PCDHA1: variants seen among roughly 807,000 people sequenced by gnomAD.
PCDHA1 encodes the protein protocadherin alpha 1.
PCDHA1 carries 42 observed loss-of-function variants against 61.3 expected under a neutral mutation model. That is an observed-to-expected ratio of 0.69 (90% CI 0.54 to 0.89). The LOEUF is 0.89. Among genes scored for constraint, PCDHA1 ranks in the 40% least tolerant of loss-of-function variants. The probability of loss-of-function intolerance (pLI) is 0.00; values close to 1 mark genes in which losing one functional copy is unlikely to be tolerated. For missense variants in PCDHA1, 1,256 were observed against 1,235.3 expected (o/e 1.02, Z -0.25); for synonymous variants, 610 against 553.8 (o/e 1.10, Z -1.43).
chr5:141,001,102 A>T (rs1197761807), intron 3 of PCDHA1, among the ~76,000 whole-genome samples: 1 of 152,076 alleles, frequency 6.6e-6, no homozygotes, highest in African/African-American at 2.4e-5. Context: ...TCTAATCCAT[A>T]ATAAGCAATC....
At chr5:140,856,715 G>A (rs1233191211) in intron 1 of PCDHA1, 4 of 1,596,328 alleles carry the variant, frequency 2.5e-6, no homozygotes, top group Admixed American at 1.7e-5. Context: ...TGAATTTACC[G>A]GATCTGTTTC....
At chr5:140,903,429 G>T (rs782504374) in intron 1 of PCDHA1, among the ~76,000 whole-genome samples, 2 of 152,180 alleles carry the variant, frequency 1.3e-5, no homozygotes, top group South Asian at 4.1e-4. Context: ...AGCACAATAT[G>T]TATCAGTGGA....
intron 2 of PCDHA1, 118 bp downstream of exon 2, chr5:140,979,125 C>A (rs782380399): frequency 8.7e-5 from 128 of 1,479,726 alleles, no homozygotes; most frequent in Non-Finnish European, 1.0e-4. Flanking sequence ...GGTACTTTGC[C>A]AGGAAAATGC....
intron 1 of PCDHA1, chr5:140,836,721 C>G: frequency 1.9e-6 from 3 of 1,612,166 alleles, no homozygotes; most frequent in Non-Finnish European, 2.5e-6. Context: ...TCCTCAGGGT[C>G]CATCCTCTAC....
chr5:140,875,410 A>G (rs1459624657), intron 1 of PCDHA1: 3 of 1,502,000 alleles, frequency 2.0e-6, no homozygotes, highest in African/African-American at 1.4e-5. Flanking sequence ...TGCTCATAAA[A>G]TACCTCAGGC....
intron 3 of PCDHA1, among the ~76,000 whole-genome samples, chr5:140,988,416 A>G (rs1462025901): frequency 6.6e-6 from 1 of 152,118 alleles, no homozygotes; most frequent in Non-Finnish European, 1.5e-5. Flanking sequence ...AGCTTATGTA[A>G]AGAATTTGTT....
chr5:140,788,868 A>G lies in PCDHA1; in HGVS notation c.2394+184A>G, dbSNP rs73278761. 14,405 of 1,340,926 alleles carry G rather than the reference A, an allele frequency of 0.011. 1,255 individuals carry two copies. The African/African-American group carries it at 0.19, about 18-fold the overall frequency. 83.1% of individuals were successfully genotyped at this position (1,340,926 alleles called of 1,614,324 possible). A position where few individuals can be genotyped will look rare whatever the true frequency, so the allele number is the denominator to read the frequency against. Reference sequence around the variant, plus strand: ...TCTTGAATGGAACTAGAAAGCAAAGAAAAATGTAGGGACAAATTGTCGTAT... The same window carrying G: ...TCTTGAATGGAACTAGAAAGCAAAGGAAAATGTAGGGACAAATTGTCGTAT... On this transcript the variant is annotated intron_variant, in intron 1 of 3. Coordinates refer to ENST00000504120, the MANE Select transcript of PCDHA1 (RefSeq NM_018900.4).
At chr5:140,800,553 A>G (rs1554121158) in intron 1 of PCDHA1, among the ~76,000 whole-genome samples, 2 of 152,204 alleles carry the variant, frequency 1.3e-5, no homozygotes, top group African/African-American at 4.8e-5. Context: ...TGATTTTTCT[A>G]TAAAATGTAA....
intron 1 of PCDHA1, among the ~76,000 whole-genome samples, chr5:140,962,827 C>T (rs1229108981): frequency 6.6e-6 from 1 of 152,164 alleles, no homozygotes; most frequent in East Asian, 1.9e-4. Flanking sequence ...GACCATTTGT[C>T]TCTTTTTTAT....
intron 3 of PCDHA1, among the ~76,000 whole-genome samples, chr5:140,984,922 C>T (rs2097125803): frequency 6.6e-6 from 1 of 152,074 alleles, no homozygotes; most frequent in Non-Finnish European, 1.5e-5. Flanking sequence ...TAGTGCTTGA[C>T]ATATAGTTAA....
chr5:140,789,891 A>T (rs992922420), intron 1 of PCDHA1, among the ~76,000 whole-genome samples: 15 of 152,308 alleles, frequency 9.8e-5, no homozygotes, highest in Non-Finnish European at 1.6e-4. Flanking sequence ...ACAGTTCTTT[A>T]CCTTTCCTAA....
At chr5:140,836,909 CTT>C (rs1774804264) in intron 1 of PCDHA1, 2 of 579,626 alleles carry the variant, frequency 3.5e-6, no homozygotes, top group Admixed American at 3.6e-5. Flanking sequence ...TTAATATACA[CTT>C]TTGTTTTGGG....
At chr5:140,850,974 GT>G in intron 1 of PCDHA1, 1 of 1,455,106 alleles carries the variant, frequency 6.9e-7, no homozygotes, top group Non-Finnish European at 9.2e-7. Flanking sequence ...CGTTCAAATA[GT>G]TTTATTCATT....
chr5:140,871,419 C>T, intron 1 of PCDHA1: 1 of 1,613,732 alleles, frequency 6.2e-7, no homozygotes, highest in South Asian at 1.1e-5. Flanking sequence ...TGGCCTTCAG[C>T]CCCAGTCTTC....
chr5:140,835,129 T>G (rs2150231206), intron 1 of PCDHA1: 1 of 1,358,528 alleles, frequency 7.4e-7, no homozygotes, highest in East Asian at 2.5e-5. Context: ...CTGTATACGG[T>G]GAAATTACCA....
chr5:140,869,192 A>T (rs782002128), intron 1 of PCDHA1: 2 of 1,613,882 alleles, frequency 1.2e-6, no homozygotes, highest in East Asian at 4.5e-5. Flanking sequence ...GGGAGCGGCC[A>T]GCTCCACTAC....
At chr5:140,829,554 C>A in intron 1 of PCDHA1, 7 of 1,612,816 alleles carry the variant, frequency 4.3e-6, no homozygotes, top group Non-Finnish European at 5.9e-6. Context: ...CAGGAGAACG[C>A]GCTGGTGTCC....
intron 1 of PCDHA1, chr5:140,809,173 G>GGCCACT: frequency 6.2e-7 from 1 of 1,613,974 alleles, no homozygotes; most frequent in Non-Finnish European, 8.5e-7. Context: ...TGACGGCCAC[G>GGCCACT]GCCACTGTGC....
At chr5:140,862,592 A>T (rs1554156626) in intron 1 of PCDHA1, 1 of 507,612 alleles carries the variant, frequency 2.0e-6, no homozygotes, top group Non-Finnish European at 4.0e-6. Context: ...CAGCCCGAGT[A>T]CATGGTGTTC....
Sources: gnomAD v4.1 joint callset for allele counts (sites outside exome capture counted in the v4.1 genomes callset) on GRCh38, gnomAD v4.1.1 for gene constraint, MANE v1.5 for transcripts, NCBI Gene and HGNC (gene_info 2026-07-23, HGNC 2026-07-21) for gene names.